The following NKAIN3 variants were observed in gnomAD, a reference collection of about 807,000 sequenced individuals.
NKAIN3 encodes sodium/potassium transporting ATPase interacting 3.
Under a neutral mutation model 30.2 loss-of-function variants are expected in NKAIN3, and 25 were observed. The observed-to-expected ratio is 0.83, with a 90% confidence interval of 0.60 to 1.16. NKAIN3 has a LOEUF of 1.16. NKAIN3 is among the 50% of genes most tolerant of loss of function. NKAIN3 has a pLI of 0.00. For synonymous variants in NKAIN3, 91 were observed against 89.6 expected, an observed-to-expected ratio of 1.02 and a Z score of -0.09; for missense variants, 225 against 254.1, an observed-to-expected ratio of 0.89 and a Z score of 0.78.
intron 3 of NKAIN3, among the ~76,000 whole-genome samples, chr8:62,702,495 A>G (rs1178932658): frequency 6.6e-6 from 1 of 152,198 alleles, no homozygotes; most frequent in African/African-American, 2.4e-5. Flanking sequence ...TTATAGAAAG[A>G]CAAAATTTCT....
chr8:62,987,289 A>T (rs1824222380), downstream of NKAIN3, among the ~76,000 whole-genome samples: 1 of 152,078 alleles, frequency 6.6e-6, no homozygotes, highest in South Asian at 2.1e-4. Flanking sequence ...TCTACTTGAG[A>T]GGCTGAGGCA....
At chr8:62,626,035 A>C (rs1811777530) in intron 3 of NKAIN3, among the ~76,000 whole-genome samples, 1 of 152,078 alleles carries the variant, frequency 6.6e-6, no homozygotes, top group African/African-American at 2.4e-5. Flanking sequence ...GCTATACTTC[A>C]TGTGTGCTTT....
chr8:62,470,259 G>A (rs1383465197), intron 1 of NKAIN3, among the ~76,000 whole-genome samples: 1 of 152,058 alleles, frequency 6.6e-6, no homozygotes, highest in South Asian at 2.1e-4. Context: ...TGGTACTTAG[G>A]GCTGCCAATT....
At position 62,979,961 on chromosome 8, in the gene NKAIN3, T is replaced by C. The variant is rs1248218775; in HGVS notation, c.*14554T>C. On this transcript the variant is annotated 3_prime_UTR_variant, in exon 7 of 7. Coordinates refer to ENST00000623646, the MANE Select transcript of NKAIN3 (RefSeq NM_001304533.3). ...AGAAAGCCACCTTCCAGTGGGTCTT[T>C]GCCTAGCTTTTGTCTTGTCTTTGCT... 1 of 152,086 alleles carries C rather than the reference T, an allele frequency of 6.6e-6. No homozygotes were observed. The highest frequency in any genetic ancestry group is 1.5e-5 in the Non-Finnish European group (1 of 68,098). The allele number at this position is 152,086 out of a possible 1,614,324, so 9.4% of individuals were successfully genotyped here.
At position 62,783,437 on chromosome 8, in the gene NKAIN3, G is replaced by T. The variant is rs144988624; in HGVS notation, c.471+36308G>T. ...CCAGAGCTGTGAGAAATAAATCTCT[G>T]TTGCCTATAAGTCACCCAGTCTATG... On this transcript the variant is annotated intron_variant, in intron 4 of 6. Coordinates refer to ENST00000623646, the MANE Select transcript of NKAIN3 (RefSeq NM_001304533.3). 3.5e-3 allele frequency among the ~76,000 whole-genome samples: 539 copies of T among 152,078 alleles called. 3 individuals carry two copies. Among genetic ancestry groups the T allele is most frequent in the Non-Finnish European group, 6.4e-3 (434 of 67,970 alleles).
intron 4 of NKAIN3, among the ~76,000 whole-genome samples, chr8:62,795,770 G>C (rs912689105): frequency 6.6e-6 from 1 of 151,998 alleles, no homozygotes; most frequent in East Asian, 1.9e-4. Flanking sequence ...ATTACCTGAA[G>C]GATCCTTAGG....
chr8:62,858,996 T>C (rs1820154028), intron 4 of NKAIN3, among the ~76,000 whole-genome samples: 1 of 152,182 alleles, frequency 6.6e-6, no homozygotes, highest in Non-Finnish European at 1.5e-5. Flanking sequence ...CTCCTGGGTC[T>C]CAGTGCATGC....
chr8:62,895,841 C>T (rs1869733), intron 4 of NKAIN3, among the ~76,000 whole-genome samples: 31,734 of 152,004 alleles, frequency 0.21, 3,927 homozygotes, highest in East Asian at 0.54. Flanking sequence ...CTCCAGCTAA[C>T]TCCCTGGTTT....
At chr8:62,773,224 G>A (rs994954730) in intron 4 of NKAIN3, among the ~76,000 whole-genome samples, 1 of 152,054 alleles carries the variant, frequency 6.6e-6, no homozygotes, top group Non-Finnish European at 1.5e-5. Context: ...ACTTTGATCT[G>A]ATGTTTGTAT....
intron 3 of NKAIN3, among the ~76,000 whole-genome samples, chr8:62,651,905 T>G (rs923360019): frequency 7.2e-5 from 11 of 152,140 alleles, no homozygotes. Context: ...GACTATAAGC[T>G]TTCTGAGGCC....
At chr8:62,415,124 AATATACTATAGTATATATGTATT>A (rs1009830882) in intron 1 of NKAIN3, among the ~76,000 whole-genome samples, 2 of 74,822 alleles carry the variant, frequency 2.7e-5, no homozygotes, top group African/African-American at 7.3e-5. Context: ...TATAATATAT[AATATACTATAGTATATATGTATT>A]ATATACTATA....
chr8:62,265,678 G>T (rs1036477573), intron 1 of NKAIN3, among the ~76,000 whole-genome samples: 1 of 152,032 alleles, frequency 6.6e-6, no homozygotes, highest in Non-Finnish European at 1.5e-5. Flanking sequence ...AAGTAGAATC[G>T]CTGGAAAGCT....
chr8:62,515,235 A>G (rs950226024), intron 1 of NKAIN3, among the ~76,000 whole-genome samples: 1 of 152,188 alleles, frequency 6.6e-6, no homozygotes. Flanking sequence ...AAAACTATTC[A>G]AGTTTCTACA....
rs1048299883 is a variant in NKAIN3 at position 62,863,989 on chromosome 8, G to T, written c.472-54464G>T. 1.3e-5 allele frequency: 10 copies of T among 765,766 alleles called. No homozygotes were observed. In the African/African-American group the frequency reaches 1.7e-4, roughly 13 times the overall value. The allele number at this position is 765,766 out of a possible 1,614,324, so 47.4% of individuals were successfully genotyped here. On this transcript the variant is annotated intron_variant, in intron 4 of 6. Coordinates refer to ENST00000623646, the MANE Select transcript of NKAIN3 (RefSeq NM_001304533.3). Reference sequence around the variant, plus strand: ...AGGTGGAGGAGAAAGAACTAAAGGAGCTTTCTGTTGAGGCTCCAGCTTTGT... The same window carrying T: ...AGGTGGAGGAGAAAGAACTAAAGGATCTTTCTGTTGAGGCTCCAGCTTTGT...
At chr8:62,945,227 A>T (rs1823087616) in intron 5 of NKAIN3, among the ~76,000 whole-genome samples, 1 of 152,192 alleles carries the variant, frequency 6.6e-6, no homozygotes, top group South Asian at 2.1e-4. Context: ...AAAGTAAAGC[A>T]GGGAAGGAGA....
chr8:62,355,991 C>T (rs1031050301), intron 1 of NKAIN3, among the ~76,000 whole-genome samples: 1 of 152,020 alleles, frequency 6.6e-6, no homozygotes, highest in Admixed American at 6.6e-5. Context: ...ATTTAAAAAC[C>T]TTGTGAATAG....
At chr8:62,482,294 G>C (rs1806747937) in intron 1 of NKAIN3, 1 of 152,226 alleles carries the variant, frequency 6.6e-6, no homozygotes, top group Non-Finnish European at 1.5e-5. Context: ...AGTGGAGCTT[G>C]AGTCTGCAAA....
At chr8:62,384,523 A>G (rs62509219) in intron 1 of NKAIN3, among the ~76,000 whole-genome samples, 21,045 of 152,140 alleles carry the variant, frequency 0.14, 1,741 homozygotes, top group East Asian at 0.4. Flanking sequence ...CTAGGCTGCA[A>G]TTTTCTCCTG....
At chr8:62,528,738 G>T (rs181257521) in intron 1 of NKAIN3, among the ~76,000 whole-genome samples, 1 of 152,090 alleles carries the variant, frequency 6.6e-6, no homozygotes, top group African/African-American at 2.4e-5. Context: ...TACTTATTGG[G>T]CCAATATATT....
Sources: gnomAD v4.1 joint callset for allele counts (sites outside exome capture counted in the v4.1 genomes callset) on GRCh38, gnomAD v4.1.1 for gene constraint, MANE v1.5 for transcripts, NCBI Gene and HGNC (gene_info 2026-07-23, HGNC 2026-07-21) for gene names.